CD8B: variants seen among roughly 807,000 people sequenced by gnomAD.
CD8B encodes T-cell surface glycoprotein CD8 beta chain.
CD8B carries 6 observed loss-of-function variants against 24.2 expected under a neutral mutation model. That is an observed-to-expected ratio of 0.25 (90% CI 0.14 to 0.49). The LOEUF (loss-of-function observed/expected upper bound fraction) is 0.49. Among genes scored for constraint, CD8B ranks in the 20% least tolerant of loss-of-function variants. The probability of loss-of-function intolerance (pLI) is 0.98; values close to 1 mark genes in which losing one functional copy is unlikely to be tolerated. For missense variants in CD8B, 196 were observed against 271.3 expected, an observed-to-expected ratio of 0.72 and a Z score of 1.95; for synonymous variants, 84 against 108.3, an observed-to-expected ratio of 0.78 and a Z score of 1.39.
intron 2 of CD8B, among the ~76,000 whole-genome samples, chr2:86,856,754 A>G (rs1188455672): frequency 6.6e-6 from 1 of 151,014 alleles, no homozygotes; most frequent in East Asian, 2.0e-4. Context: ...CCAATATGCC[A>G]CAGGTGCTGC....
intron 5 of CD8B, among the ~76,000 whole-genome samples, chr2:86,816,342 A>G (rs1674243520): frequency 6.6e-6 from 1 of 152,228 alleles, no homozygotes; most frequent in South Asian, 2.1e-4. Flanking sequence ...TGAAGACTCA[A>G]CTTCAGGAAG....
intron 3 of CD8B, among the ~76,000 whole-genome samples, chr2:86,847,706 C>T (rs1675754754): frequency 6.6e-6 from 1 of 152,150 alleles, no homozygotes; most frequent in Non-Finnish European, 1.5e-5. Flanking sequence ...GCTGGGATTA[C>T]AGGCGTCCGC....
At chr2:86,831,995 G>A (rs1674920124) in intron 5 of CD8B, among the ~76,000 whole-genome samples, 1 of 152,200 alleles carries the variant, frequency 6.6e-6, no homozygotes, top group Non-Finnish European at 1.5e-5. Context: ...AATAACAAAT[G>A]CCACTGCTGT....
chr2:86,848,310 A>G (rs1675788295), intron 3 of CD8B, among the ~76,000 whole-genome samples: 1 of 152,196 alleles, frequency 6.6e-6, no homozygotes, highest in African/African-American at 2.4e-5. Flanking sequence ...GTGGGGAAAA[A>G]TGTTATTTCA....
intron 5 of CD8B, among the ~76,000 whole-genome samples, chr2:86,826,566 G>T (rs1405655592): frequency 1.3e-5 from 2 of 152,150 alleles, no homozygotes; most frequent in Non-Finnish European, 2.9e-5. Flanking sequence ...CACTTGGAAA[G>T]AACCCTAACG....
chr2:86,840,218 G>A lies in CD8B; in HGVS notation c.*2089C>T, dbSNP rs993229949. Among the ~76,000 whole-genome samples, 2 of 150,004 alleles carry A rather than the reference G, an allele frequency of 1.3e-5. No individual in the cohort carries two copies. Among genetic ancestry groups the A allele is most frequent in the African/African-American group, 4.9e-5 (2 of 40,576 alleles). ...CTAAGGCCAATTCGTGCTGAATGAA[G>A]GAGAAACACCTACGTCTGGGGGCAG... is the stretch of plus-strand genomic sequence containing the variant. On this transcript the variant is annotated 3_prime_UTR_variant, in exon 6 of 6. Transcript: ENST00000390655.
intron 5 of CD8B, among the ~76,000 whole-genome samples, chr2:86,820,068 G>A (rs1674400708): frequency 6.6e-6 from 1 of 152,210 alleles, no homozygotes; most frequent in Non-Finnish European, 1.5e-5. Context: ...GCAATCCCGT[G>A]ATCAAACTTA....
At chr2:86,856,842 T>C (rs1330537073) in intron 2 of CD8B, among the ~76,000 whole-genome samples, 2 of 149,980 alleles carry the variant, frequency 1.3e-5, no homozygotes, top group Non-Finnish European at 3.0e-5. Context: ...ACACTTAGTA[T>C]GAAAAATGAA....
chr2:86,840,212 A>C lies in CD8B; in HGVS notation c.*2095T>G, dbSNP rs1348159975. The stretch of plus-strand genomic sequence containing the variant: ...GGGCATCTAAGGCCAATTCGTGCTG[A>C]ATGAAGGAGAAACACCTACGTCTGG... On this transcript the variant is annotated 3_prime_UTR_variant, in exon 6 of 6. Coordinates refer to ENST00000390655, the MANE Select transcript of CD8B (RefSeq NM_004931.5). 2.6e-5 allele frequency among the ~76,000 whole-genome samples: 4 copies of C among 151,846 alleles called. No homozygotes were observed. Among genetic ancestry groups the C allele is most frequent in the Non-Finnish European group, 5.9e-5 (4 of 67,952 alleles).
rs937690365 is a variant in CD8B at position 86,841,028 on chromosome 2, G to A, written c.*1279C>T. ...GGCTGGATTCTCCCTGGACCTGGACGTGGTGCTTCTGTTAATGCAGCCTCA... is the reference window on the plus strand; with the variant it reads ...GGCTGGATTCTCCCTGGACCTGGACATGGTGCTTCTGTTAATGCAGCCTCA... On this transcript the variant is annotated 3_prime_UTR_variant, in exon 6 of 6. Transcript: ENST00000390655. Among the ~76,000 whole-genome samples, 4 of 152,008 alleles carry A rather than the reference G, an allele frequency of 2.6e-5. No individual in the cohort carries two copies. The highest frequency in any genetic ancestry group is 9.7e-5 in the African/African-American group (4 of 41,374).
chr2:86,842,776 C>G (rs1453165626), intron 5 of CD8B, among the ~76,000 whole-genome samples: 1 of 152,144 alleles, frequency 6.6e-6, no homozygotes, highest in Non-Finnish European at 1.5e-5. Context: ...TTTTTTGAAG[C>G]CACAAACCCT....
chr2:86,817,448 A>G (rs1674297745), intron 5 of CD8B, among the ~76,000 whole-genome samples: 1 of 152,250 alleles, frequency 6.6e-6, no homozygotes, highest in African/African-American at 2.4e-5. Context: ...ATATGACACA[A>G]TAAATGAACT....
At chr2:86,854,143 C>T (rs1444911732) in intron 2 of CD8B, among the ~76,000 whole-genome samples, 1 of 152,128 alleles carries the variant, frequency 6.6e-6, no homozygotes, top group Non-Finnish European at 1.5e-5. Context: ...CTGCCACCTC[C>T]TTCTTGGGAT....
intron 5 of CD8B, among the ~76,000 whole-genome samples, chr2:86,823,148 C>T (rs1674542038): frequency 6.6e-6 from 1 of 152,114 alleles, no homozygotes; most frequent in South Asian, 2.1e-4. Flanking sequence ...TCCCCCAGTT[C>T]CAGGTAACCG....
At chr2:86,826,147 C>A in intron 5 of CD8B, among the ~76,000 whole-genome samples, 1 of 152,092 alleles carries the variant, frequency 6.6e-6, no homozygotes, top group East Asian at 1.9e-4. Flanking sequence ...GTGGGGAGCT[C>A]TGTGCAGGCA....
chr2:86,856,216 G>T (rs1188276287), intron 2 of CD8B, among the ~76,000 whole-genome samples: 1 of 152,192 alleles, frequency 6.6e-6, no homozygotes, highest in Non-Finnish European at 1.5e-5. Context: ...TTGGGGTTTG[G>T]AAACACGGAA....
Position 86,840,852 on chromosome 2 carries a change from C to T in CD8B, c.*1455G>A, listed in dbSNP as rs1675390369. ...TCTGCTGCGGCCGCACCCCAGATGCCAGGAGAAGGTCACACTGCCCCTTCC... is the reference window on the plus strand; with the variant it reads ...TCTGCTGCGGCCGCACCCCAGATGCTAGGAGAAGGTCACACTGCCCCTTCC... On this transcript the variant is annotated 3_prime_UTR_variant, in exon 6 of 6. Transcript: ENST00000390655. Among the ~76,000 whole-genome samples, 1 of 150,506 alleles carries T rather than the reference C, an allele frequency of 6.6e-6. No individual in the cohort carries two copies. Among genetic ancestry groups the T allele is most frequent in the South Asian group, 2.1e-4 (1 of 4,784 alleles).
chr2:86,835,429 G>A (rs1035498883), downstream of CD8B, among the ~76,000 whole-genome samples: 29 of 152,170 alleles, frequency 1.9e-4, no homozygotes, highest in East Asian at 3.9e-4. Context: ...TAGAGCCTTC[G>A]TGATCCGAAG....
chr2:86,820,481 G>A (rs1187499323), intron 5 of CD8B, among the ~76,000 whole-genome samples: 1 of 152,196 alleles, frequency 6.6e-6, no homozygotes, highest in African/African-American at 2.4e-5. Context: ...CTCACTGAAA[G>A]CTCAGGTGAT....
Sources: allele counts gnomAD v4.1 joint callset (sites outside exome capture counted in the v4.1 genomes callset), GRCh38; gene constraint gnomAD v4.1.1; transcripts MANE v1.5; gene names NCBI Gene and HGNC (gene_info 2026-07-23, HGNC 2026-07-21).